The following FIZ1 variants were observed in gnomAD, a reference collection of about 807,000 sequenced individuals.
FIZ1 encodes FLT3 interacting zinc finger 1, also known as flt3-interacting zinc finger protein 1.
In FIZ1, 2 loss-of-function variants were observed where a neutral mutation model predicts 5.3. The ratio of observed to expected loss-of-function variants is 0.37; its 90% CI spans 0.15 to 1.18. The LOEUF (loss-of-function observed/expected upper bound fraction) is 1.18. Ranked by LOEUF, FIZ1 falls within the 50% of genes most tolerant of loss-of-function variation. The pLI is 0.37. For synonymous variants in FIZ1, 407 were observed against 364.2 expected (o/e 1.12, Z -1.34); for missense variants, 631 against 749.7 (o/e 0.84, Z 1.85).
chr19:55,593,739 C>G lies in FIZ1; in HGVS notation c.295-93G>C, dbSNP rs1980176122. On this transcript the variant is annotated intron_variant, in intron 2 of 2. Transcript: ENST00000221665. The surrounding 1 kb of genome is among the most constrained non-coding windows in gnomAD (Gnocchi z 6.3). ...CTCCCAGAGGGTTGTGGCACAAGCT[C>G]TCTGTCACACCTACAGGGCCATGAT... The G allele has an allele frequency of 2.7e-6, 3 of 1,127,188 alleles. No homozygotes were observed. Among genetic ancestry groups the G allele is most frequent in the South Asian group, 2.8e-5 (2 of 72,502 alleles). The allele number at this position is 1,127,188 out of a possible 1,614,324, so 69.8% of individuals were successfully genotyped here.
rs984335048 is a variant in FIZ1 at position 55,592,849 on chromosome 19, C to T, written c.1092G>A (p.Gly364=). ...GPATYGCGHC[G]ALYAALAALE... The stretch of plus-strand genomic sequence containing the variant: ...AGGCGGCCAGCGCCGCGTACAGAGC[C>T]CCGCAGTGGCCGCAGCCGTAGGTGG... Residue 364 remains glycine, a synonymous_variant, in exon 3 of 3, where the codon GGG becomes GGA. Coordinates refer to ENST00000221665, the MANE Select transcript of FIZ1 (RefSeq NM_032836.3). The surrounding 1 kb of genome is among the most constrained non-coding windows in gnomAD (Gnocchi z 6.9). 3 of 1,551,598 alleles carry T rather than the reference C, an allele frequency of 1.9e-6. No homozygotes were observed. The highest frequency in any genetic ancestry group is 2.7e-5 in the African/African-American group (2 of 73,096).
At chr19:55,597,255 A>G (rs1323705253) in intron 2 of FIZ1, among the ~76,000 whole-genome samples, 2 of 152,256 alleles carry the variant, frequency 1.3e-5, no homozygotes, top group Admixed American at 1.3e-4. Flanking sequence ...TAAGGAAGGA[A>G]AGGATAAACA....
rs1386543561 is a variant in FIZ1, at chr19:55,592,797, C to T, written c.1144G>A (p.Gly382Ser). The change falls in exon 3 of 3, where the codon GGT becomes AGT. Residue 382 changes from glycine to serine, a missense_variant. Gly to Ser is a moderately conservative substitution (Grantham distance 56). Transcript: ENST00000221665. This position sits in a 1 kb window ranked among gnomAD's most constrained non-coding sequence, Gnocchi z 6.9. ...ALEEHRRVSH[G>S]EGGGEEAATA... Reference sequence around the variant, plus strand: ...GCCGCCTCCTCCCCGCCGCCCTCACCGTGGCTGACCCGCCGGTGCTCCTCC... The same window carrying T: ...GCCGCCTCCTCCCCGCCGCCCTCACTGTGGCTGACCCGCCGGTGCTCCTCC... 1.3e-6 allele frequency: 2 copies of T among 1,586,944 alleles called. No individual in the cohort carries two copies. Among genetic ancestry groups the T allele is most frequent in the African/African-American group, 1.3e-5 (1 of 74,410 alleles).
Position 55,593,270 on chromosome 19 carries a change from T to C in FIZ1, c.671A>G (p.Asp224Gly). Residue 224 changes from aspartate (D) to glycine (G), a missense_variant, in exon 3 of 3, where the codon GAC becomes GGC. This residue lies in a region of FIZ1 where 463 missense variants were observed against 455.1 expected (regional missense o/e 1.02). Coordinates refer to ENST00000221665, the MANE Select transcript of FIZ1 (RefSeq NM_032836.3). This position sits in a 1 kb window ranked among gnomAD's most constrained non-coding sequence, Gnocchi z 6.3. Reference sequence around the variant, plus strand: ...GCGCGGGCACTTGAAGGGCTTCACGTCGGTGTGCGCCGCCCAGTGGGCCGC... The same window carrying C: ...GCGCGGGCACTTGAAGGGCTTCACGCCGGTGTGCGCCGCCCAGTGGGCCGC... ...ELAAHWAAHT[D>G]VKPFKCPRCE... 1 of 1,274,722 alleles carries C rather than the reference T, an allele frequency of 7.8e-7. No individual in the cohort carries two copies. Among genetic ancestry groups the C allele is most frequent in the Non-Finnish European group, 1.0e-6 (1 of 1,002,714 alleles). 79.0% of individuals were successfully genotyped at this position (1,274,722 alleles called of 1,614,324 possible).
intron 2 of FIZ1, among the ~76,000 whole-genome samples, chr19:55,596,893 G>A (rs569978760): frequency 5.3e-5 from 8 of 152,092 alleles, no homozygotes; most frequent in East Asian, 1.9e-4. Flanking sequence ...GGATGGTCTC[G>A]ATCTCTTGAC....
Position 55,592,460 on chromosome 19 carries a change from C to A in FIZ1, c.1481G>T (p.Gly494Val). 2 of 1,569,040 alleles carry A rather than the reference C, an allele frequency of 1.3e-6. No homozygotes were observed. Among genetic ancestry groups the A allele is most frequent in the Non-Finnish European group, 1.7e-6 (2 of 1,157,158 alleles). The change falls in exon 3 of 3, where the codon GGC becomes GTC. Residue 494 changes from glycine (G) to valine (V), a missense_variant. Physicochemically the swap from Gly to Val is moderately radical, Grantham distance 109. Coordinates refer to ENST00000221665, the MANE Select transcript of FIZ1 (RefSeq NM_032836.3). The surrounding 1 kb of genome is among the most constrained non-coding windows in gnomAD (Gnocchi z 6.9). ...NLSRHLKLHR[G>V]MD ...CACGCAGCCTGGCAGTCAGTCCATG[C>A]CCCGGTGCAGCTTCAGGTGCCTGGA... is the stretch of plus-strand genomic sequence containing the variant.
chr19:55,593,401 A>G lies in FIZ1; in HGVS notation c.540T>C (p.Gly180=). The G allele has an allele frequency of 6.9e-7, 1 of 1,450,890 alleles. No homozygotes were observed. The allele number at this position is 1,450,890 out of a possible 1,614,324, so 89.9% of individuals were successfully genotyped here. ...CCTCTGCCAGCCCCCAGCTGCCCAG[A>G]CCCGCGCCTGCCCCCTCGGGGCCCT... is the stretch of plus-strand genomic sequence containing the variant. ...GGEGPEGAGA[G]LGSWGLAEAA... is the part of the protein sequence containing the mutation. Residue 180 remains glycine, a synonymous_variant, in exon 3 of 3, where the codon GGT becomes GGC. Transcript: ENST00000221665. This position sits in a 1 kb window ranked among gnomAD's most constrained non-coding sequence, Gnocchi z 6.3.
At chr19:55,595,147 C>T (rs1980263725) in intron 2 of FIZ1, among the ~76,000 whole-genome samples, 1 of 152,086 alleles carries the variant, frequency 6.6e-6, no homozygotes, top group Admixed American at 6.6e-5. Flanking sequence ...TAATGTCTTC[C>T]TGGAGGCCTG....
In FIZ1 at chr19:55,592,536, G is replaced by A; in HGVS notation, c.1405C>T (p.Pro469Ser). The A allele has an allele frequency of 6.2e-7, 1 of 1,607,258 alleles. No homozygotes were observed. Among genetic ancestry groups the A allele is most frequent in the South Asian group, 1.1e-5 (1 of 90,176 alleles). The change falls in exon 3 of 3, where the codon CCC becomes TCC. Residue 469 changes from proline (P) to serine (S), a missense_variant. Physicochemically the swap from Pro to Ser is moderately conservative, Grantham distance 74. Coordinates refer to ENST00000221665, the MANE Select transcript of FIZ1 (RefSeq NM_032836.3). This position sits in a 1 kb window ranked among gnomAD's most constrained non-coding sequence, Gnocchi z 6.9. ...TTGCCGCAGATGTGGCAAGGGAAGG[G>A]CCGCTCGGTGCCGTGCAGCAGCCGG... The part of the protein sequence containing the change: ...RHRLLHGTER[P>S]FPCHICGKGF...
chr19:55,593,511 G>A lies in FIZ1; in HGVS notation c.430C>T (p.Leu144=), dbSNP rs1356221602. Residue 144 remains leucine, a synonymous_variant, in exon 3 of 3, where the codon CTG becomes TTG. Coordinates refer to ENST00000221665, the MANE Select transcript of FIZ1 (RefSeq NM_032836.3). This position sits in a 1 kb window ranked among gnomAD's most constrained non-coding sequence, Gnocchi z 6.3. ...GAGCAGGGCGCACTCAAGGCGGGCAGGCCAGGGCCGGGCTGCAGGGGAGAG... is the reference window on the plus strand; with the variant it reads ...GAGCAGGGCGCACTCAAGGCGGGCAAGCCAGGGCCGGGCTGCAGGGGAGAG... ...LPSPLQPGPG[L]PALSAPCSVC... 2 of 1,549,900 alleles carry A rather than the reference G, an allele frequency of 1.3e-6. No individual in the cohort carries two copies. Among genetic ancestry groups the A allele is most frequent in the African/African-American group, 2.7e-5 (2 of 73,032 alleles).
Position 55,592,740 on chromosome 19 carries a change from C to A in FIZ1, c.1201G>T (p.Gly401Trp). The part of the protein sequence containing the change: ...TAAREREPAS[G>W]EPPSGSGRGK... ...CGGCCGGAGCCAGACGGGGGTTCCC[C>A]GGACGCCGGTTCCCTTTCCCGGGCG... Residue 401 changes from glycine to tryptophan, a missense_variant, in exon 3 of 3, where the codon GGG (glycine) becomes TGG (tryptophan). Physicochemically the swap from Gly to Trp is radical, Grantham distance 184 (BLOSUM62 -2). Transcript: ENST00000221665. The surrounding 1 kb of genome is among the most constrained non-coding windows in gnomAD (Gnocchi z 6.9). 6.2e-7 allele frequency: 1 copy of A among 1,610,764 alleles called. No homozygotes were observed. Among genetic ancestry groups the A allele is most frequent in the Non-Finnish European group, 8.5e-7 (1 of 1,179,220 alleles).
At position 55,592,334 on chromosome 19, in the gene FIZ1, G is replaced by T; in HGVS notation, c.*116C>A. ...CCAGTCAGGGTCCCCTCATTTCAGG[G>T]CCTGCGTCTGGATTTGGATTTGGAG... On this transcript the variant is annotated 3_prime_UTR_variant, in exon 3 of 3. Coordinates refer to ENST00000221665, the MANE Select transcript of FIZ1 (RefSeq NM_032836.3). The surrounding 1 kb of genome is among the most constrained non-coding windows in gnomAD (Gnocchi z 6.9). The T allele has an allele frequency of 1.8e-6, 2 of 1,088,600 alleles. No homozygotes were observed. The highest frequency in any genetic ancestry group is 2.5e-6 in the Non-Finnish European group (2 of 785,168). The allele number at this position is 1,088,600 out of a possible 1,614,324, so 67.4% of individuals were successfully genotyped here.
At chr19:55,594,149 G>A (rs1980198326) in intron 2 of FIZ1, among the ~76,000 whole-genome samples, 1 of 152,066 alleles carries the variant, frequency 6.6e-6, no homozygotes, top group African/African-American at 2.4e-5. Context: ...AGCACTTTGG[G>A]AGGCTGAAGT....
At chr19:55,597,534 C>T (rs780435322) in intron 2 of FIZ1, 38 bp downstream of exon 2, 1 of 1,588,798 alleles carries the variant, frequency 6.3e-7, no homozygotes. Context: ...GTAGTCCTGA[C>T]CAGGGAGGCC....
chr19:55,598,719 T>G (rs1413048476), intron 1 of FIZ1: 1 of 152,214 alleles, frequency 6.6e-6, no homozygotes, highest in Non-Finnish European at 1.5e-5. Context: ...CTCCACCCAA[T>G]TTTTCCTTTA....
Position 55,593,102 on chromosome 19 carries a change from G to A in FIZ1, c.839C>T (p.Ala280Val). The change falls in exon 3 of 3, where the codon GCG becomes GTG. Residue 280 changes from alanine to valine, a missense_variant. Transcript: ENST00000221665. The surrounding 1 kb of genome is among the most constrained non-coding windows in gnomAD (Gnocchi z 6.3). ...AGCCAGAGGAGCGTCGCCCGCCTCC[G>A]CAGCGGTGCCTTCGCCCGCCGTCTC... Reference protein sequence around the residue: ...GPETAGEGTAAEAGDAPLASD... With the variant: ...GPETAGEGTAVEAGDAPLASD... The A allele has an allele frequency of 7.6e-7, 1 of 1,307,190 alleles. No homozygotes were observed. The highest frequency in any genetic ancestry group is 9.7e-7 in the Non-Finnish European group (1 of 1,030,542). The allele number at this position is 1,307,190 out of a possible 1,614,324, so 81.0% of individuals were successfully genotyped here.
Position 55,597,711 on chromosome 19 carries a change from G to C in FIZ1, c.155C>G (p.Ala52Gly). 1 of 1,614,068 alleles carries C rather than the reference G, an allele frequency of 6.2e-7. No individual in the cohort carries two copies. The highest frequency in any genetic ancestry group is 1.1e-5 in the South Asian group (1 of 91,086). ...GAAACCCTTGCCGCAGCGCGGACAT[G>C]CGTGGGGCTTGAGCGCTGTGTGCCG... is the stretch of plus-strand genomic sequence containing the variant. ...FARHTALKPH[A>G]CPRCGKGFKH... The change falls in exon 2 of 3, where the codon GCA becomes GGA. Residue 52 changes from alanine (A) to glycine (G), a missense_variant. Physicochemically the swap from Ala to Gly is moderately conservative, Grantham distance 60. Transcript: ENST00000221665.
At chr19:55,596,924 G>A (rs2123559645) in intron 2 of FIZ1, among the ~76,000 whole-genome samples, 1 of 152,240 alleles carries the variant, frequency 6.6e-6, no homozygotes, top group Non-Finnish European at 1.5e-5. Flanking sequence ...GCCCACCTCG[G>A]CCTCCCAAAG....
Position 55,592,426 on chromosome 19 carries a change from G to A in FIZ1, c.*24C>T, listed in dbSNP as rs1219352547. On this transcript the variant is annotated 3_prime_UTR_variant, in exon 3 of 3. Coordinates refer to ENST00000221665, the MANE Select transcript of FIZ1 (RefSeq NM_032836.3). The surrounding 1 kb of genome is among the most constrained non-coding windows in gnomAD (Gnocchi z 6.9). ...GCCGAGTCCAGGAGGCTGGGTGGAG[G>A]GCAGGGCGCACGCAGCCTGGCAGTC... is the stretch of plus-strand genomic sequence containing the variant. The A allele has an allele frequency of 1.3e-6, 2 of 1,523,364 alleles. No individual in the cohort carries two copies. Among genetic ancestry groups the A allele is most frequent in the African/African-American group, 1.4e-5 (1 of 73,092 alleles). The allele number at this position is 1,523,364 out of a possible 1,614,324, so 94.4% of individuals were successfully genotyped here.
Sources: gnomAD v4.1 joint callset for allele counts (sites outside exome capture counted in the v4.1 genomes callset) on GRCh38, gnomAD v4.1.1 for gene constraint, gnomAD v4.1.1 regional missense constraint, Gnocchi (gnomAD v3.1) non-coding constraint, MANE v1.5 for transcripts, NCBI Gene and HGNC (gene_info 2026-07-23, HGNC 2026-07-21) for gene names.